CA12: variants seen among roughly 807,000 people sequenced by gnomAD.
The protein encoded by CA12 is carbonic anhydrase 12.
In CA12, 36 loss-of-function variants were observed where a neutral mutation model predicts 46.8. The ratio of observed to expected loss-of-function variants is 0.77; its 90% CI spans 0.59 to 1.02. The LOEUF (loss-of-function observed/expected upper bound fraction) is 1.02, where lower values mean the gene tolerates loss of function less well. Among genes scored for constraint, CA12 ranks in the 50% least tolerant of loss-of-function variants. The probability of loss-of-function intolerance (pLI) is 0.00; values close to 1 mark genes in which losing one functional copy is unlikely to be tolerated. For synonymous variants in CA12, 202 were observed against 187.0 expected (o/e 1.08, Z -0.65); for missense variants, 436 against 451.4 (o/e 0.97, Z 0.31).
At chr15:63,351,529 G>T (rs1377867246) in intron 2 of CA12, among the ~76,000 whole-genome samples, 6 of 151,992 alleles carry the variant, frequency 3.9e-5, no homozygotes, top group Non-Finnish European at 8.8e-5. Context: ...GTCTTCAAAG[G>T]CCCCCACATC....
chr15:63,355,868 A>G lies in CA12; in HGVS notation c.107-9159T>C, dbSNP rs904214202. On this transcript the variant is annotated intron_variant, in intron 2 of 10. Coordinates refer to ENST00000178638, the MANE Select transcript of CA12 (RefSeq NM_001218.5). The surrounding 1 kb of genome is among the most constrained non-coding windows in gnomAD (Gnocchi z 4.1). ...CCTGTAGCCACCGCCCTCGCAAGAC[A>G]TCCTGCTCTGTCTTTCTTAAACATA... Among the ~76,000 whole-genome samples the G allele has an allele frequency of 6.6e-6, 1 of 152,174 alleles. No homozygotes were observed. The highest frequency in any genetic ancestry group is 1.5e-5 in the Non-Finnish European group (1 of 68,034).
rs1004363050 is a variant in CA12, at chr15:63,339,710, A to G, written c.747+578T>C. 6.6e-6 allele frequency among the ~76,000 whole-genome samples: 1 copy of G among 152,200 alleles called. No homozygotes were observed. The highest frequency in any genetic ancestry group is 1.5e-5 in the Non-Finnish European group (1 of 68,030). ...TTCTTCTCATGAATTTAGGCTGTGG[A>G]GGACAGGTATGAGCAGTGACATGGA... On this transcript the variant is annotated intron_variant, in intron 7 of 10. Coordinates refer to ENST00000178638, the MANE Select transcript of CA12 (RefSeq NM_001218.5). The surrounding 1 kb of genome is among the most constrained non-coding windows in gnomAD (Gnocchi z 4.3).
rs1195116593 is a variant in CA12, at chr15:63,338,867, G to A, written c.826C>T (p.Gln276Ter). Reference sequence around the variant, plus strand: ...AGCCTCTCATCGAACTTCTGGACCTGCCGGAAGTTGTTGATCATTTCTCTG... The same window carrying A: ...AGCCTCTCATCGAACTTCTGGACCTACCGGAAGTTGTTGATCATTTCTCTG... The part of the protein sequence containing the change: ...SPREMINNFR[Q>*]VQKFDERLVY... Residue 276 changes from glutamine to a stop codon, truncating the protein, a stop_gained, in exon 8 of 11, where the codon CAG (glutamine) becomes TAG (stop). Transcript: ENST00000178638. LOFTEE classifies it high-confidence loss of function. 1 of 1,614,042 alleles carries A rather than the reference G, an allele frequency of 6.2e-7. No individual in the cohort carries two copies.
Position 63,371,841 on chromosome 15 carries a change from T to TG in CA12, c.106+3816_106+3817insC, listed in dbSNP as rs967914532. ...TGTTGTTTTGAACACACTAGGGTTTTTTTTGTTTTGTTTTTGGGTTTTTTG... is the reference window on the plus strand; with the variant it reads ...TGTTGTTTTGAACACACTAGGGTTTTGTTTTGTTTTGTTTTTGGGTTTTTTG... On this transcript the variant is annotated intron_variant, in intron 2 of 10. Transcript: ENST00000178638. Among the ~76,000 whole-genome samples the TG allele has an allele frequency of 1.1e-4, 16 of 151,466 alleles. No homozygotes were observed. The East Asian group carries it at 1.9e-3, about 18-fold the overall frequency.
rs1356411755 is a variant in CA12, at chr15:63,330,762, G to A, written c.875-2632C>T. 1.3e-5 allele frequency among the ~76,000 whole-genome samples: 2 copies of A among 152,202 alleles called. No homozygotes were observed. The highest frequency in any genetic ancestry group is 1.9e-4 in the East Asian group (1 of 5,202). On this transcript the variant is annotated intron_variant, in intron 8 of 10. Coordinates refer to ENST00000178638, the MANE Select transcript of CA12 (RefSeq NM_001218.5). This position sits in a 1 kb window ranked among gnomAD's most constrained non-coding sequence, Gnocchi z 4.0. ...GAGTCTGGCTTCCCCCGGTTATTAC[G>A]CGGGGTTCCTGTTGGAGGTCCTGTA...
chr15:63,338,702 A>T lies in CA12; in HGVS notation c.874+117T>A, dbSNP rs537770851. On this transcript the variant is annotated intron_variant, in intron 8 of 10. Transcript: ENST00000178638. ...AAGGCGCCTGGTTCCCGTGGCAGCC[A>T]GGGAGCTCTCAGCCAACTTCTTGAG... The T allele has an allele frequency of 5.0e-6, 7 of 1,390,084 alleles. 1 individual carries two copies. In the East Asian group the frequency reaches 1.4e-4, roughly 27 times the overall value. 86.1% of individuals were successfully genotyped at this position (1,390,084 alleles called of 1,614,324 possible).
chr15:63,337,710 C>T (rs902789406), intron 8 of CA12, among the ~76,000 whole-genome samples: 7 of 151,634 alleles, frequency 4.6e-5, no homozygotes, highest in Admixed American at 2.0e-4. Flanking sequence ...CCACCTCGGC[C>T]TCCCAAAGGA....
intron 2 of CA12, among the ~76,000 whole-genome samples, chr15:63,354,695 C>A (rs1327097885): frequency 6.6e-6 from 1 of 152,172 alleles, no homozygotes; most frequent in Non-Finnish European, 1.5e-5. Flanking sequence ...TGGCTCTAGT[C>A]ACAGGGGCAG....
intron 8 of CA12, among the ~76,000 whole-genome samples, chr15:63,338,426 T>C (rs933234081): frequency 2.6e-5 from 4 of 152,146 alleles, no homozygotes; most frequent in African/African-American, 7.2e-5. Context: ...GGCTGCAGCC[T>C]TTGATGCCAA....
intron 8 of CA12, among the ~76,000 whole-genome samples, chr15:63,338,113 C>T (rs994674014): frequency 5.9e-5 from 9 of 152,148 alleles, no homozygotes; most frequent in African/African-American, 1.2e-4. Flanking sequence ...GCAAGGAAAA[C>T]GGTTAATGTT....
At chr15:63,361,111 G>A (rs905311753) in intron 2 of CA12, among the ~76,000 whole-genome samples, 14 of 152,162 alleles carry the variant, frequency 9.2e-5, no homozygotes, top group African/African-American at 2.9e-4. Flanking sequence ...GGGGCAGGCC[G>A]TCTCTGGGCT....
intron 2 of CA12, among the ~76,000 whole-genome samples, chr15:63,361,670 T>G (rs1371580016): frequency 6.6e-6 from 1 of 152,158 alleles, no homozygotes; most frequent in Admixed American, 6.6e-5. Context: ...CAGCGGAGGT[T>G]GATCTTGATG....
rs918831081 is a variant in CA12, at chr15:63,341,901, G to A, written c.525+101C>T. The A allele has an allele frequency of 3.7e-6, 3 of 820,668 alleles. No individual in the cohort carries two copies. Among genetic ancestry groups the A allele is most frequent in the Non-Finnish European group, 4.2e-6 (2 of 479,328 alleles). The allele number at this position is 820,668 out of a possible 1,614,324, so 50.8% of individuals were successfully genotyped here. On this transcript the variant is annotated intron_variant, in intron 5 of 10. Coordinates refer to ENST00000178638, the MANE Select transcript of CA12 (RefSeq NM_001218.5). The surrounding 1 kb of genome is among the most constrained non-coding windows in gnomAD (Gnocchi z 5.2). ...CTGGAGTTGACACGGAGTCGATACA[G>A]GAACAGCTGATTATCAACAGGTATG...
chr15:63,338,045 G>T (rs2039025273), intron 8 of CA12, among the ~76,000 whole-genome samples: 1 of 152,172 alleles, frequency 6.6e-6, no homozygotes, highest in African/African-American at 2.4e-5. Flanking sequence ...CCCCAAAAGT[G>T]CTCCCTCACC....
intron 8 of CA12, among the ~76,000 whole-genome samples, chr15:63,336,417 T>A (rs2039004810): frequency 6.6e-6 from 1 of 152,096 alleles, no homozygotes; most frequent in African/African-American, 2.4e-5. Context: ...TTTCTTCTGA[T>A]CCTCTGTAAC....
rs148438059 is a variant in CA12 at position 63,327,234 on chromosome 15, C to G, written c.908-1G>C. Reference sequence around the variant, plus strand: ...GCCAGGGCCAGTGAGAGGATGATGCCTGGTGAAGAGGTAGAGGGCACACAT... The same window carrying G: ...GCCAGGGCCAGTGAGAGGATGATGCGTGGTGAAGAGGTAGAGGGCACACAT... On this transcript the variant is annotated splice_acceptor_variant, in intron 9 of 10. Coordinates refer to ENST00000178638, the MANE Select transcript of CA12 (RefSeq NM_001218.5). LOFTEE classifies it high-confidence loss of function. The surrounding 1 kb of genome is among the most constrained non-coding windows in gnomAD (Gnocchi z 4.5). 1.2e-6 allele frequency: 2 copies of G among 1,613,232 alleles called. No homozygotes were observed.
Position 63,346,160 on chromosome 15 carries a change from T to C in CA12, c.286+370A>G, listed in dbSNP as rs77765242. On this transcript the variant is annotated intron_variant, in intron 3 of 10. Coordinates refer to ENST00000178638, the MANE Select transcript of CA12 (RefSeq NM_001218.5). ...GTAAGCAGTCAAGCCAGAGTTCAAA[T>C]CCAGGTTGGTCTGACTCCAAAGCCT... is the stretch of plus-strand genomic sequence containing the variant. Among the ~76,000 whole-genome samples, 6 of 152,246 alleles carry C rather than the reference T, an allele frequency of 3.9e-5. No homozygotes were observed. The East Asian group carries it at 1.2e-3, about 29-fold the overall frequency.
At position 63,355,265 on chromosome 15, in the gene CA12, G is replaced by C. The variant is rs2039280257; in HGVS notation, c.107-8556C>G. Among the ~76,000 whole-genome samples the C allele has an allele frequency of 3.3e-5, 5 of 152,188 alleles. No individual in the cohort carries two copies. The South Asian group carries it at 1.0e-3, about 32-fold the overall frequency. Reference sequence around the variant, plus strand: ...AAACACCCTCCCCTCGCTGGGGCAGGGCAAAGGGTTTCCCCCTCTTCTGTG... The same window carrying C: ...AAACACCCTCCCCTCGCTGGGGCAGCGCAAAGGGTTTCCCCCTCTTCTGTG... On this transcript the variant is annotated intron_variant, in intron 2 of 10. Transcript: ENST00000178638. The surrounding 1 kb of genome is among the most constrained non-coding windows in gnomAD (Gnocchi z 4.1).
chr15:63,341,905 C>T lies in CA12; in HGVS notation c.525+97G>A. ...AGTTGACACGGAGTCGATACAGGAACAGCTGATTATCAACAGGTATGCATG... is the reference window on the plus strand; with the variant it reads ...AGTTGACACGGAGTCGATACAGGAATAGCTGATTATCAACAGGTATGCATG... On this transcript the variant is annotated intron_variant, in intron 5 of 10. Coordinates refer to ENST00000178638, the MANE Select transcript of CA12 (RefSeq NM_001218.5). This position sits in a 1 kb window ranked among gnomAD's most constrained non-coding sequence, Gnocchi z 5.2. 2 of 833,784 alleles carry T rather than the reference C, an allele frequency of 2.4e-6. No homozygotes were observed. The highest frequency in any genetic ancestry group is 4.1e-6 in the Non-Finnish European group (2 of 489,694). 51.6% of individuals were successfully genotyped at this position (833,784 alleles called of 1,614,324 possible). A position where few individuals can be genotyped will look rare whatever the true frequency, so the allele number is the denominator to read the frequency against.
Sources: gnomAD v4.1 joint callset for allele counts (sites outside exome capture counted in the v4.1 genomes callset) on GRCh38, gnomAD v4.1.1 for gene constraint, Gnocchi (gnomAD v3.1) non-coding constraint, MANE v1.5 for transcripts, NCBI Gene and HGNC (gene_info 2026-07-23, HGNC 2026-07-21) for gene names.